The following MAD1L1 variants were observed in gnomAD, a reference collection of about 807,000 sequenced individuals.
MAD1L1 encodes mitotic arrest deficient 1 like 1.
MAD1L1 carries 95 observed loss-of-function variants against 96.9 expected under a neutral mutation model. That is an observed-to-expected ratio of 0.98 (90% CI 0.83 to 1.16). MAD1L1 has a LOEUF of 1.16. Ranked by LOEUF, MAD1L1 falls within the 50% of genes most tolerant of loss-of-function variation. MAD1L1 has a pLI of 0.00. For synonymous variants in MAD1L1, 473 were observed against 396.6 expected, an observed-to-expected ratio of 1.19 and a Z score of -2.29; for missense variants, 1,007 against 954.4, an observed-to-expected ratio of 1.06 and a Z score of -0.73.
In MAD1L1 at chr7:1,898,292, G is replaced by C. The variant is rs1787019486; in HGVS notation, c.1906C>G (p.Leu636Val). 6.2e-7 allele frequency: 1 copy of C among 1,614,138 alleles called. No homozygotes were observed. The highest frequency in any genetic ancestry group is 8.5e-7 in the Non-Finnish European group (1 of 1,180,016). Residue 636 changes from leucine to valine, a missense_variant, in exon 18 of 19, where the codon CTC (leucine) becomes GTC (valine). By Grantham distance (32) the Leu-to-Val change is conservative. Coordinates refer to ENST00000265854, the MANE Select transcript of MAD1L1 (RefSeq NM_001013836.2). ...GTGATGTCGATCTGGTAGCCGGTGA[G>C]CGTGTAGCAGGCCTTGCGGAACTCC... The part of the protein sequence containing the change: ...IQEFRKACYT[L>V]TGYQIDITTE...
At chr7:2,185,657 C>A (rs900412509) in intron 10 of MAD1L1, among the ~76,000 whole-genome samples, 9 of 151,534 alleles carry the variant, frequency 5.9e-5, no homozygotes, top group African/African-American at 2.2e-4. Flanking sequence ...TTTAATGCTT[C>A]TAGATTTCTA....
At chr7:2,177,108 AAC>A (rs1790984948) in intron 10 of MAD1L1, among the ~76,000 whole-genome samples, 1 of 152,244 alleles carries the variant, frequency 6.6e-6, no homozygotes, top group African/African-American at 2.4e-5. Flanking sequence ...TGTCAGGAGA[AAC>A]ACAGACCAAA....
intron 14 of MAD1L1, among the ~76,000 whole-genome samples, chr7:2,001,782 C>T (rs540039289): frequency 2.7e-4 from 41 of 152,330 alleles, no homozygotes; most frequent in Non-Finnish European, 2.5e-4. Flanking sequence ...TGCTTTGCCC[C>T]GACACCGTGG....
At chr7:2,220,071 C>A (rs1394171748) in intron 5 of MAD1L1, among the ~76,000 whole-genome samples, 2 of 152,226 alleles carry the variant, frequency 1.3e-5, no homozygotes, top group Non-Finnish European at 2.9e-5. Context: ...TCCCTAGCCA[C>A]CCCAATGCTA....
intron 18 of MAD1L1, among the ~76,000 whole-genome samples, chr7:1,864,809 C>G (rs915617595): frequency 3.7e-4 from 56 of 152,188 alleles, no homozygotes; most frequent in African/African-American, 1.4e-3. Flanking sequence ...CACTCCGCCC[C>G]TTTCTCGCTG....
intron 18 of MAD1L1, among the ~76,000 whole-genome samples, chr7:1,857,591 G>A (rs1784320538): frequency 6.6e-6 from 1 of 152,250 alleles, no homozygotes; most frequent in African/African-American, 2.4e-5. Flanking sequence ...TGAGGGGGCT[G>A]GGCCCGAGGA....
intron 10 of MAD1L1, chr7:2,202,175 CA>C (rs1369844738): frequency 6.6e-6 from 1 of 152,440 alleles, no homozygotes; most frequent in Non-Finnish European, 1.5e-5. Flanking sequence ...ACGTCTGGCT[CA>C]GGGGCGCTAA....
chr7:1,901,830 G>A (rs1462924678), intron 17 of MAD1L1, among the ~76,000 whole-genome samples: 1 of 152,192 alleles, frequency 6.6e-6, no homozygotes, highest in Non-Finnish European at 1.5e-5. Context: ...CTGACCAGGA[G>A]CACCTGCCTA....
At position 1,978,767 on chromosome 7, in the gene MAD1L1, G is replaced by A. The variant is rs534577158; in HGVS notation, c.1505+1686C>T. 2.0e-3 allele frequency among the ~76,000 whole-genome samples: 297 copies of A among 152,250 alleles called. 1 individual carries two copies. The highest frequency in any genetic ancestry group is 6.3e-3 in the African/African-American group (261 of 41,548). ...GGTGAAGAATGGCCCCCAGGTCCCC[G>A]AGACATGGAGACGCAGATGAAGACG... is the stretch of plus-strand genomic sequence containing the variant. On this transcript the variant is annotated intron_variant, in intron 15 of 18. Transcript: ENST00000265854.
intron 13 of MAD1L1, among the ~76,000 whole-genome samples, chr7:2,010,439 T>C (rs1241563649): frequency 3.3e-5 from 5 of 152,168 alleles, no homozygotes; most frequent in African/African-American, 1.2e-4. Context: ...TTTAATTAAA[T>C]AAATCGGAAA....
intron 10 of MAD1L1, among the ~76,000 whole-genome samples, chr7:2,165,529 C>T (rs1293444962): frequency 8.5e-6 from 1 of 117,098 alleles, no homozygotes; most frequent in Non-Finnish European, 1.9e-5. Context: ...ACCAGGACCA[C>T]CCTCTGCAGA....
intron 6 of MAD1L1, 72 bp from the exon 7 acceptor site, chr7:2,218,115 AC>A (rs1793391615): frequency 8.4e-6 from 10 of 1,186,064 alleles, no homozygotes; most frequent in Non-Finnish European, 1.1e-5. Flanking sequence ...TCAGCCTGAG[AC>A]CCGCCCCAGC....
intron 12 of MAD1L1, among the ~76,000 whole-genome samples, chr7:2,028,424 C>G (rs1270261270): frequency 1.2e-5 from 1 of 86,170 alleles, no homozygotes; most frequent in Non-Finnish European, 2.5e-5. Context: ...GACTCCATCT[C>G]AAAAAAAAAA....
At chr7:1,980,171 C>G (rs1046928628) in intron 15 of MAD1L1, among the ~76,000 whole-genome samples, 5 of 152,196 alleles carry the variant, frequency 3.3e-5, no homozygotes, top group African/African-American at 9.7e-5. Flanking sequence ...GGAAAGGGCA[C>G]ACCTGAGCGT....
intron 17 of MAD1L1, among the ~76,000 whole-genome samples, chr7:1,901,594 G>A (rs967685939): frequency 1.3e-5 from 2 of 152,240 alleles, no homozygotes; most frequent in South Asian, 2.1e-4. Flanking sequence ...TGCCCAGCCC[G>A]GCTCGCTGTG....
chr7:2,131,128 T>C (rs945037653), intron 11 of MAD1L1, among the ~76,000 whole-genome samples: 1 of 152,224 alleles, frequency 6.6e-6, no homozygotes, highest in Non-Finnish European at 1.5e-5. Context: ...TACTGCACTA[T>C]GAGCTCCTTC....
intron 18 of MAD1L1, among the ~76,000 whole-genome samples, chr7:1,852,295 C>T (rs961386406): frequency 6.6e-6 from 1 of 152,226 alleles, no homozygotes; most frequent in African/African-American, 2.4e-5. Flanking sequence ...ACACCTGCAG[C>T]GTAGCACTAG....
intron 16 of MAD1L1, among the ~76,000 whole-genome samples, chr7:1,956,518 C>A (rs562582515): frequency 5.6e-4 from 85 of 152,344 alleles, no homozygotes; most frequent in South Asian, 1.2e-3. Flanking sequence ...CCCCAAATGG[C>A]CACACTGGCC....
At chr7:1,899,296 C>T (rs545763663) in intron 17 of MAD1L1, among the ~76,000 whole-genome samples, 5 of 152,352 alleles carry the variant, frequency 3.3e-5, no homozygotes, top group South Asian at 2.1e-4. Context: ...TCCACTTAGA[C>T]GCACACAGAG....
Sources: allele counts gnomAD v4.1 joint callset (sites outside exome capture counted in the v4.1 genomes callset), GRCh38; gene constraint gnomAD v4.1.1; transcripts MANE v1.5; gene names NCBI Gene and HGNC (gene_info 2026-07-23, HGNC 2026-07-21).